KCNU1: variants seen among roughly 807,000 people sequenced by gnomAD.
KCNU1 encodes potassium calcium-activated channel subfamily U member 1.
KCNU1 carries 93 observed loss-of-function variants against 126.8 expected under a neutral mutation model. That is an observed-to-expected ratio of 0.73 (90% CI 0.62 to 0.87). The LOEUF is 0.87. Ranked by LOEUF, KCNU1 falls within the 40% of genes least tolerant of loss-of-function variation. KCNU1 has a pLI of 0.00. For synonymous variants in KCNU1, 523 were observed against 494.2 expected (o/e 1.06, Z -0.77); for missense variants, 1,330 against 1,367.1 (o/e 0.97, Z 0.43).
At chr8:36,785,474 C>A (rs986854592) in intron 1 of KCNU1, among the ~76,000 whole-genome samples, 1 of 152,176 alleles carries the variant, frequency 6.6e-6, no homozygotes, top group African/African-American at 2.4e-5. Context: ...CTAAAACCTA[C>A]ATAAAATATA....
chr8:36,805,946 T>C (rs549554412), intron 4 of KCNU1, among the ~76,000 whole-genome samples: 2 of 152,264 alleles, frequency 1.3e-5, no homozygotes, highest in Admixed American at 6.5e-5. Flanking sequence ...CAGGTTCCAG[T>C]GGTTCTCCTG....
Position 36,845,880 on chromosome 8 carries a change from A to G in KCNU1, c.1872A>G (p.Arg624=). 6.3e-7 allele frequency: 1 copy of G among 1,598,682 alleles called. No individual in the cohort carries two copies. The highest frequency in any genetic ancestry group is 8.5e-7 in the Non-Finnish European group (1 of 1,170,846). The part of the protein sequence containing the change: ...ELITNCGCKS[R]SRQHITVPSV... ...TTACAAACTGTGGCTGCAAAAGCAG[A>G]AGCCGGCAGCACATCACAGGTAATT... The change falls in exon 18 of 27, where the codon AGA becomes AGG. Residue 624 remains arginine (R), a synonymous_variant. Transcript: ENST00000399881.
At chr8:36,810,216 C>A (rs1453465564) in intron 7 of KCNU1, among the ~76,000 whole-genome samples, 1 of 151,052 alleles carries the variant, frequency 6.6e-6, no homozygotes, top group Non-Finnish European at 1.5e-5. Context: ...TGCACCACTG[C>A]ACTCCAGCCT....
At chr8:36,885,915 C>T (rs1806683598) in intron 19 of KCNU1, among the ~76,000 whole-genome samples, 1 of 152,222 alleles carries the variant, frequency 6.6e-6, no homozygotes, top group Admixed American at 6.5e-5. Context: ...ATGTCTCCTA[C>T]TCTACCCCTG....
chr8:36,908,620 T>A (rs1265018361), intron 20 of KCNU1, among the ~76,000 whole-genome samples: 1 of 148,136 alleles, frequency 6.8e-6, no homozygotes, highest in Non-Finnish European at 1.5e-5. Context: ...CACTCATAGG[T>A]GGGAACTGAA....
chr8:36,876,566 G>A (rs1186152272), intron 19 of KCNU1, among the ~76,000 whole-genome samples: 2 of 152,100 alleles, frequency 1.3e-5, no homozygotes, highest in African/African-American at 4.8e-5. Flanking sequence ...GTAGGGCAGG[G>A]TAGGCATTCC....
At chr8:36,844,970 C>CA (rs1429565844) in intron 16 of KCNU1, among the ~76,000 whole-genome samples, 5 of 152,112 alleles carry the variant, frequency 3.3e-5, no homozygotes, top group African/African-American at 1.2e-4. Flanking sequence ...ACAATATTCT[C>CA]AAACACATAA....
intron 18 of KCNU1, among the ~76,000 whole-genome samples, chr8:36,851,140 C>T (rs1805328321): frequency 6.6e-6 from 1 of 151,988 alleles, no homozygotes; most frequent in African/African-American, 2.4e-5. Context: ...TAACTGTGAG[C>T]CTTTTGAATC....
chr8:36,800,038 T>A (rs1803247706), intron 2 of KCNU1, among the ~76,000 whole-genome samples: 1 of 152,162 alleles, frequency 6.6e-6, no homozygotes, highest in Non-Finnish European at 1.5e-5. Flanking sequence ...GTAGGCTGCA[T>A]TTATTTTATC....
At chr8:36,870,795 T>C (rs1380279562) in intron 19 of KCNU1, among the ~76,000 whole-genome samples, 3 of 152,332 alleles carry the variant, frequency 2.0e-5, no homozygotes, top group East Asian at 3.9e-4. Flanking sequence ...TTCATTCATA[T>C]AAGCCTACTG....
intron 22 of KCNU1, among the ~76,000 whole-genome samples, chr8:36,911,652 CA>C (rs1181289883): frequency 6.6e-6 from 1 of 152,146 alleles, no homozygotes; most frequent in Non-Finnish European, 1.5e-5. Flanking sequence ...TGTCATACTT[CA>C]ACTTCAGACT....
At chr8:36,903,612 A>C (rs1807506712) in intron 19 of KCNU1, among the ~76,000 whole-genome samples, 1 of 152,210 alleles carries the variant, frequency 6.6e-6, no homozygotes, top group African/African-American at 2.4e-5. Context: ...CAATTTTTAA[A>C]GGATTTCTAT....
In KCNU1 at chr8:36,850,387, G is replaced by A. The variant is rs548889505; in HGVS notation, c.1891+4488G>A. ...TCTAAGAAGGTTTTGATCAATCTAA[G>A]GTCACCAAGATTTACCCCAAAACTT... On this transcript the variant is annotated intron_variant, in intron 18 of 26. Coordinates refer to ENST00000399881, the MANE Select transcript of KCNU1 (RefSeq NM_001031836.3). Among the ~76,000 whole-genome samples, 5 of 151,596 alleles carry A rather than the reference G, an allele frequency of 3.3e-5. 1 individual carries two copies. Among genetic ancestry groups the A allele is most frequent in the African/African-American group, 1.2e-4 (5 of 41,380 alleles).
chr8:36,910,090 C>T (rs370028551), intron 21 of KCNU1, among the ~76,000 whole-genome samples: 3 of 152,242 alleles, frequency 2.0e-5, no homozygotes, highest in Admixed American at 6.5e-5. Flanking sequence ...ATGTCCCACT[C>T]TATGCCACCA....
rs1585410890 is a variant in KCNU1 at position 36,817,763 on chromosome 8, A to G, written c.1106+3A>G. On this transcript the variant is annotated splice_donor_region_variant and intron_variant, in intron 10 of 26. Coordinates refer to ENST00000399881, the MANE Select transcript of KCNU1 (RefSeq NM_001031836.3). ...ACTGAAATTGTTTTCCTGGGAGAGT[A>G]AGTATATCTGTATGGCTCATGGGTT... 1.4e-6 allele frequency: 2 copies of G among 1,476,588 alleles called. No individual in the cohort carries two copies. The highest frequency in any genetic ancestry group is 1.9e-6 in the Non-Finnish European group (2 of 1,054,424). 91.5% of individuals were successfully genotyped at this position (1,476,588 alleles called of 1,614,324 possible).
intron 23 of KCNU1, among the ~76,000 whole-genome samples, chr8:36,919,263 C>T (rs902532907): frequency 2.0e-5 from 3 of 152,028 alleles, no homozygotes; most frequent in African/African-American, 7.2e-5. Flanking sequence ...AGATGCCTTC[C>T]TTTCCAGCAG....
intron 19 of KCNU1, among the ~76,000 whole-genome samples, chr8:36,894,227 A>T (rs1807091540): frequency 6.6e-6 from 1 of 152,144 alleles, no homozygotes; most frequent in African/African-American, 2.4e-5. Context: ...GTGGTAAAAG[A>T]CTACAATATA....
At chr8:36,844,921 G>A (rs1483974247) in intron 16 of KCNU1, among the ~76,000 whole-genome samples, 1 of 152,150 alleles carries the variant, frequency 6.6e-6, no homozygotes, top group African/African-American at 2.4e-5. Flanking sequence ...CCATAGCAGA[G>A]TACTGCATCA....
chr8:36,931,209 G>A (rs1808693737), intron 25 of KCNU1, 64 bp downstream of exon 25: 4 of 1,239,810 alleles, frequency 3.2e-6, no homozygotes, highest in Non-Finnish European at 4.5e-6. Flanking sequence ...TCTGAAAATG[G>A]TCCAGGCTAT....
Sources: gnomAD v4.1 joint callset for allele counts (sites outside exome capture counted in the v4.1 genomes callset) on GRCh38, gnomAD v4.1.1 for gene constraint, MANE v1.5 for transcripts, NCBI Gene and HGNC (gene_info 2026-07-23, HGNC 2026-07-21) for gene names.